Variants in KIF26B observed in about 807,000 individuals in gnomAD.
The protein encoded by KIF26B is kinesin-like protein KIF26B.
KIF26B carries 63 observed loss-of-function variants against 151.2 expected under a neutral mutation model. The observed-to-expected ratio is 0.42, with a 90% CI of 0.34 to 0.51. The LOEUF is 0.51. Among genes scored for constraint, KIF26B ranks in the 20% least tolerant of loss-of-function variants. The pLI, the probability that KIF26B is intolerant of heterozygous loss-of-function variation, is 0.07. For synonymous variants in KIF26B, 1,357 were observed against 1,262.1 expected (o/e 1.08, Z -1.59); for missense variants, 2,813 against 2,913.6 (o/e 0.97, Z 0.79).
chr1:245,540,850 C>T lies in KIF26B; in HGVS notation c.1250C>T (p.Ala417Val). The T allele has an allele frequency of 1.2e-6, 2 of 1,613,970 alleles. No homozygotes were observed. The highest frequency in any genetic ancestry group is 1.1e-5 in the South Asian group (1 of 91,082). The change falls in exon 5 of 15, where the codon GCA (alanine) becomes GTA (valine). Residue 417 changes from alanine to valine, a missense_variant. Ala to Val is a moderately conservative substitution (Grantham distance 64). This residue lies in a region of KIF26B where 676 missense variants were observed against 688.1 expected (regional missense o/e 0.98). Transcript: ENST00000407071. This position sits in a 1 kb window ranked among gnomAD's most constrained non-coding sequence, Gnocchi z 4.6. ...TSSAAEPPLF[A>V]TSFSGILQTS... The stretch of plus-strand genomic sequence containing the variant: ...TCCGCTGCCGAACCACCGCTCTTTG[C>T]AACCAGCTTCAGTGGGATTCTGCAG...
At chr1:245,258,748 T>G (rs969135065) in intron 2 of KIF26B, among the ~76,000 whole-genome samples, 1 of 151,384 alleles carries the variant, frequency 6.6e-6, no homozygotes, top group African/African-American at 2.4e-5. Flanking sequence ...CACAGCATGG[T>G]GGGGGGGCAT....
chr1:245,355,299 C>G (rs2103002792), intron 2 of KIF26B, among the ~76,000 whole-genome samples: 1 of 152,130 alleles, frequency 6.6e-6, no homozygotes, highest in East Asian at 1.9e-4. Context: ...GCATCCCTGG[C>G]CTCTACTCAC....
chr1:245,191,509 T>TA (rs1006219954), intron 2 of KIF26B, among the ~76,000 whole-genome samples: 2 of 151,728 alleles, frequency 1.3e-5, no homozygotes, highest in South Asian at 2.1e-4. Flanking sequence ...TAAATATATA[T>TA]AAAAAAATCT....
intron 9 of KIF26B, among the ~76,000 whole-genome samples, chr1:245,624,378 T>C (rs2043700197): frequency 6.6e-6 from 1 of 152,174 alleles, no homozygotes; most frequent in South Asian, 2.1e-4. Flanking sequence ...GTGCTTGTAC[T>C]ATTTTATATG....
rs569417940 is a variant in KIF26B at position 245,499,962 on chromosome 1, C to T, written c.1167-40805C>T. ...TGCTGAGGGTTGGGCTGAGTGGAAG[C>T]GTTTCCTTCCTGCCTGTTCTCTGAC... On this transcript the variant is annotated intron_variant, in intron 4 of 14. Coordinates refer to ENST00000407071, the MANE Select transcript of KIF26B (RefSeq NM_018012.4). Among the ~76,000 whole-genome samples, 7 of 152,326 alleles carry T rather than the reference C, an allele frequency of 4.6e-5. No homozygotes were observed. The South Asian group carries it at 6.2e-4, about 14-fold the overall frequency.
intron 10 of KIF26B, among the ~76,000 whole-genome samples, chr1:245,654,765 G>A (rs569668045): frequency 6.6e-5 from 10 of 152,278 alleles, no homozygotes; most frequent in South Asian, 2.1e-4. Flanking sequence ...TCCATCTCCC[G>A]CCCCTCCTGG....
chr1:245,235,856 TTAGAA>T (rs1026614334), intron 2 of KIF26B, among the ~76,000 whole-genome samples: 1 of 152,042 alleles, frequency 6.6e-6, no homozygotes, highest in African/African-American at 2.4e-5. Context: ...TTTTGAGTAG[TTAGAA>T]TAAACAGTGC....
chr1:245,664,039 T>G (rs931635616), intron 10 of KIF26B, among the ~76,000 whole-genome samples: 3 of 152,150 alleles, frequency 2.0e-5, no homozygotes, highest in African/African-American at 7.2e-5. Context: ...TCTTTACCTT[T>G]TTGCAGGTTC....
chr1:245,296,948 T>G (rs552417462), intron 2 of KIF26B, among the ~76,000 whole-genome samples: 3 of 152,318 alleles, frequency 2.0e-5, no homozygotes, highest in African/African-American at 7.2e-5. Context: ...TGTTTTTCTG[T>G]GTATATGCTG....
chr1:245,611,592 A>G (rs541807801), intron 8 of KIF26B, among the ~76,000 whole-genome samples: 1 of 152,330 alleles, frequency 6.6e-6, no homozygotes, highest in South Asian at 2.1e-4. Context: ...CTCAATATTA[A>G]TTTTCAGAAA....
At chr1:245,246,848 G>T (rs962213296) in intron 2 of KIF26B, among the ~76,000 whole-genome samples, 3 of 150,004 alleles carry the variant, frequency 2.0e-5, no homozygotes, top group Non-Finnish European at 4.4e-5. Flanking sequence ...GCCCTGAAAG[G>T]CTTGCTTGTA....
intron 2 of KIF26B, among the ~76,000 whole-genome samples, chr1:245,334,725 A>G (rs2102992750): frequency 6.6e-6 from 1 of 152,204 alleles, no homozygotes; most frequent in South Asian, 2.1e-4. Context: ...TGCACCTTAG[A>G]GTGTGTGTCT....
intron 2 of KIF26B, among the ~76,000 whole-genome samples, chr1:245,158,879 T>C (rs1668490516): frequency 6.8e-6 from 1 of 147,556 alleles, no homozygotes; most frequent in South Asian, 2.2e-4. Context: ...TGGTGTGTGT[T>C]TTAAGCATTT....
chr1:245,403,813 G>A (rs1674067410), intron 3 of KIF26B, among the ~76,000 whole-genome samples: 1 of 152,218 alleles, frequency 6.6e-6, no homozygotes, highest in Non-Finnish European at 1.5e-5. Flanking sequence ...ACTATTTAGG[G>A]AAGTAAAAGT....
chr1:245,210,683 A>G (rs140538029), intron 2 of KIF26B, among the ~76,000 whole-genome samples: 56 of 152,196 alleles, frequency 3.7e-4, no homozygotes, highest in African/African-American at 1.2e-3. Flanking sequence ...CCGTAGGAGG[A>G]GAAGCTGGAC....
intron 6 of KIF26B, among the ~76,000 whole-genome samples, chr1:245,605,524 AGAGCCATAT>A (rs1304157711): frequency 6.6e-6 from 1 of 152,218 alleles, no homozygotes; most frequent in Non-Finnish European, 1.5e-5. Flanking sequence ...GTTGCCTTTG[AGAGCCATAT>A]GACCCTTCAG....
intron 3 of KIF26B, among the ~76,000 whole-genome samples, chr1:245,400,253 T>C (rs959495073): frequency 6.6e-6 from 1 of 152,250 alleles, no homozygotes; most frequent in Non-Finnish European, 1.5e-5. Flanking sequence ...CATTTTCTAA[T>C]GTGACTCTGA....
At chr1:245,504,678 A>C (rs76610379) in intron 4 of KIF26B, among the ~76,000 whole-genome samples, 37,374 of 151,262 alleles carry the variant, frequency 0.25, 4,872 homozygotes, top group Middle Eastern at 0.38. Flanking sequence ...TTGCCTCAAG[A>C]GTCCTCCCAT....
chr1:245,582,902 G>A (rs1290981839), intron 5 of KIF26B, among the ~76,000 whole-genome samples: 1 of 152,114 alleles, frequency 6.6e-6, no homozygotes, highest in Non-Finnish European at 1.5e-5. Flanking sequence ...GTGACACGGA[G>A]CATGAGAGTG....
Sources: allele counts gnomAD v4.1 joint callset (sites outside exome capture counted in the v4.1 genomes callset), GRCh38; gene constraint gnomAD v4.1.1; regional missense constraint gnomAD v4.1.1; non-coding constraint Gnocchi (gnomAD v3.1); transcripts MANE v1.5; gene names NCBI Gene and HGNC (gene_info 2026-07-23, HGNC 2026-07-21).